FGF12: variants seen among roughly 807,000 people sequenced by gnomAD.
The protein encoded by FGF12 is fibroblast growth factor 12.
In FGF12, 14 loss-of-function variants were observed where a neutral mutation model predicts 23.6. That is an observed-to-expected ratio of 0.59 (90% CI 0.39 to 0.93). FGF12 has a LOEUF of 0.93. FGF12 is among the 40% of genes least tolerant of loss of function. The probability of loss-of-function intolerance (pLI) is 0.00; values close to 1 mark genes in which losing one functional copy is unlikely to be tolerated. For synonymous variants in FGF12, 62 were observed against 77.3 expected, an observed-to-expected ratio of 0.80 and a Z score of 1.04; for missense variants, 175 against 217.8, an observed-to-expected ratio of 0.80 and a Z score of 1.24.
rs142940400 is a variant in FGF12 at position 192,237,288 on chromosome 3, G to A, written c.229-66632C>T. 9.2e-5 allele frequency among the ~76,000 whole-genome samples: 14 copies of A among 152,100 alleles called. No individual in the cohort carries two copies. In the East Asian group the frequency reaches 2.1e-3, roughly 23 times the overall value. The stretch of plus-strand genomic sequence containing the variant: ...GATTTTTTTCTTCCACATTGGTTTC[G>A]AAGAATCTGATGACTACGTGTCTTG... On this transcript the variant is annotated intron_variant, in intron 4 of 5. Transcript: ENST00000445105.
chr3:192,532,496 T>A (rs1725117299), intron 2 of FGF12, among the ~76,000 whole-genome samples: 2 of 152,138 alleles, frequency 1.3e-5, no homozygotes, highest in South Asian at 4.1e-4. Flanking sequence ...GTATTTTTTT[T>A]ATTTTTTGTA....
chr3:192,407,715 GAATGAATT>G (rs374462100), intron 2 of FGF12, among the ~76,000 whole-genome samples: 6,670 of 151,948 alleles, frequency 0.044, 307 homozygotes, highest in African/African-American at 0.12. Context: ...AGAGATGAAT[GAATGAATT>G]AATGAATGAA....
chr3:192,369,125 T>G (rs1361970139), intron 2 of FGF12, among the ~76,000 whole-genome samples: 3 of 152,202 alleles, frequency 2.0e-5, no homozygotes, highest in African/African-American at 7.2e-5. Context: ...AGAGACCTTA[T>G]TCATCAACTC....
intron 4 of FGF12, among the ~76,000 whole-genome samples, chr3:192,295,123 T>TTCAG (rs1714960708): frequency 6.6e-6 from 1 of 152,170 alleles, no homozygotes; most frequent in African/African-American, 2.4e-5. Flanking sequence ...CTTGCTAGCA[T>TTCAG]TCAGTCACCT....
At position 192,459,140 on chromosome 3, in the gene FGF12, G is replaced by T. The variant is rs1560117541; in HGVS notation, c.14-98602C>A. ...TCTAGAGTATGTCTTTATCAGCAAT[G>T]TGAAAACAGGCTAATACATGCAGAG... is the stretch of plus-strand genomic sequence containing the variant. On this transcript the variant is annotated intron_variant, in intron 2 of 5. Transcript: ENST00000445105. Among the ~76,000 whole-genome samples the T allele has an allele frequency of 1.3e-5, 2 of 152,124 alleles. 1 individual carries two copies. Among genetic ancestry groups the T allele is most frequent in the South Asian group, 4.1e-4 (2 of 4,820 alleles).
intron 2 of FGF12, among the ~76,000 whole-genome samples, chr3:192,444,423 T>TTA (rs1722290798): frequency 6.6e-6 from 1 of 152,216 alleles, no homozygotes; most frequent in Non-Finnish European, 1.5e-5. Context: ...TCTTTTTTTT[T>TTA]ATCTTGCCTT....
chr3:192,167,772 A>ATATATATATTTT (rs1715302128), intron 5 of FGF12, among the ~76,000 whole-genome samples: 3 of 15,404 alleles, frequency 1.9e-4, no homozygotes, highest in African/African-American at 4.5e-4. Context: ...TATATATAAA[A>ATATATATATTTT]TTTTTTTTTT....
At chr3:192,224,787 T>A (rs1718648138) in intron 4 of FGF12, among the ~76,000 whole-genome samples, 1 of 152,160 alleles carries the variant, frequency 6.6e-6, no homozygotes, top group Non-Finnish European at 1.5e-5. Context: ...TGTTCTCAAC[T>A]GTACATAATC....
intron 3 of FGF12, among the ~76,000 whole-genome samples, chr3:192,340,786 T>A (rs73068521): frequency 2.0e-3 from 306 of 152,248 alleles, no homozygotes; most frequent in African/African-American, 6.9e-3. Context: ...GGCCCTTATG[T>A]TATACCATAC....
At chr3:192,599,149 T>C (rs1444172264) in intron 2 of FGF12, among the ~76,000 whole-genome samples, 1 of 151,762 alleles carries the variant, frequency 6.6e-6, no homozygotes, top group Non-Finnish European at 1.5e-5. Flanking sequence ...TTAGAAGAAA[T>C]ACCTAATGTA....
chr3:192,579,981 G>C (rs1713066019), intron 2 of FGF12, among the ~76,000 whole-genome samples: 1 of 152,122 alleles, frequency 6.6e-6, no homozygotes, highest in Admixed American at 6.6e-5. Flanking sequence ...GCCGTTTCCT[G>C]GGCATTCTCA....
chr3:192,645,767 T>TAAAAAAAAAAAAA (rs55809400), intron 2 of FGF12, among the ~76,000 whole-genome samples: 1 of 71,064 alleles, frequency 1.4e-5, no homozygotes, highest in Admixed American at 2.0e-4. Flanking sequence ...ACAAAACAGG[T>TAAAAAAAAAAAAA]AAAAAAAAAA....
chr3:192,657,444 T>G (rs1009144259), intron 2 of FGF12, among the ~76,000 whole-genome samples: 6 of 151,270 alleles, frequency 4.0e-5, no homozygotes, highest in African/African-American at 1.5e-4. Context: ...AGAGAACTAT[T>G]AGAACTGTAA....
intron 2 of FGF12, among the ~76,000 whole-genome samples, chr3:192,541,399 A>C (rs1433474460): frequency 6.6e-6 from 1 of 152,184 alleles, no homozygotes; most frequent in Non-Finnish European, 1.5e-5. Flanking sequence ...AACAAAGAGA[A>C]AACTAATTAA....
At chr3:192,421,427 G>GA (rs11303029) in intron 2 of FGF12, among the ~76,000 whole-genome samples, 20 of 148,386 alleles carry the variant, frequency 1.3e-4, no homozygotes, top group African/African-American at 2.5e-4. Context: ...CTGCTTACTT[G>GA]AAAAAAAAAA....
rs534135454 is a variant in FGF12, at chr3:192,443,759, T to C, written c.14-83221A>G. Among the ~76,000 whole-genome samples the C allele has an allele frequency of 5.3e-5, 8 of 152,338 alleles. No individual in the cohort carries two copies. The South Asian group carries it at 1.7e-3, about 32-fold the overall frequency. On this transcript the variant is annotated intron_variant, in intron 2 of 5. Coordinates refer to ENST00000445105, the MANE Select transcript of FGF12 (RefSeq NM_004113.6). ...GGACTTTGCTTTACCCTTTTCACAATTATTTATTTGCTTCACACAAAATAA... is the reference window on the plus strand; with the variant it reads ...GGACTTTGCTTTACCCTTTTCACAACTATTTATTTGCTTCACACAAAATAA...
At chr3:192,252,395 G>A (rs1443806361) in intron 4 of FGF12, among the ~76,000 whole-genome samples, 1 of 139,388 alleles carries the variant, frequency 7.2e-6, no homozygotes, top group African/African-American at 2.7e-5. Context: ...CCCAGGAAGT[G>A]GAGGTTGCAG....
chr3:192,592,667 G>GA (rs1214891771), intron 2 of FGF12, among the ~76,000 whole-genome samples: 7 of 151,668 alleles, frequency 4.6e-5, no homozygotes, highest in African/African-American at 9.7e-5. Flanking sequence ...TGTCCTTGCA[G>GA]AAAAAAACAA....
intron 2 of FGF12, among the ~76,000 whole-genome samples, chr3:192,692,846 T>A (rs1717988864): frequency 6.6e-6 from 1 of 152,102 alleles, no homozygotes; most frequent in Admixed American, 6.5e-5. Flanking sequence ...CATTTATGAA[T>A]AGTCTACATG....
Sources: allele counts gnomAD v4.1 joint callset (sites outside exome capture counted in the v4.1 genomes callset), GRCh38; gene constraint gnomAD v4.1.1; transcripts MANE v1.5; gene names NCBI Gene and HGNC (gene_info 2026-07-23, HGNC 2026-07-21).